NDUFAF6: variants seen among roughly 807,000 people sequenced by gnomAD.
NDUFAF6 encodes NADH:ubiquinone oxidoreductase complex assembly factor 6.
NDUFAF6 carries 45 observed loss-of-function variants against 40.8 expected under a neutral mutation model. The observed-to-expected ratio is 1.10, with a 90% CI of 0.87 to 1.42. The LOEUF is 1.42. NDUFAF6 is among the 40% of genes most tolerant of loss of function. NDUFAF6 has a pLI of 0.00. For missense variants in NDUFAF6, 435 were observed against 418.5 expected, an observed-to-expected ratio of 1.04 and a Z score of -0.34; for synonymous variants, 185 against 155.9, an observed-to-expected ratio of 1.19 and a Z score of -1.39.
chr8:94,995,638 A>T (rs1826394001), intron 2 of NDUFAF6, among the ~76,000 whole-genome samples: 1 of 152,146 alleles, frequency 6.6e-6, no homozygotes, highest in Non-Finnish European at 1.5e-5. Context: ...AGCACTGAGA[A>T]ATCGCTTCAT....
chr8:94,930,819 T>C, intron 1 of NDUFAF6: 1 of 1,385,846 alleles, frequency 7.2e-7, no homozygotes, highest in African/African-American at 1.4e-5. Context: ...TTTGCCACGC[T>C]AATTTGTTTA....
chr8:94,998,246 G>A (rs1445621269), intron 2 of NDUFAF6, among the ~76,000 whole-genome samples: 1 of 152,104 alleles, frequency 6.6e-6, no homozygotes, highest in African/African-American at 2.4e-5. Flanking sequence ...AATGACAGAT[G>A]CCCCGTGCAC....
rs1170057769 is a variant in NDUFAF6, at chr8:94,930,329, G to C, written c.-935-15154G>C. On this transcript the variant is annotated intron_variant, in intron 1 of 14. Transcript: ENST00000396113. ...TATGTGATACACAGCATATAAATCT[G>C]ATTTTCAAGATAGTGTCTAAATACA... The C allele has an allele frequency of 3.6e-6, 4 of 1,125,676 alleles. No individual in the cohort carries two copies. In the East Asian group the frequency reaches 9.6e-5, roughly 27 times the overall value. 69.7% of individuals were successfully genotyped at this position (1,125,676 alleles called of 1,614,324 possible). A position where few individuals can be genotyped will look rare whatever the true frequency, so the allele number is the denominator to read the frequency against.
downstream of NDUFAF6, among the ~76,000 whole-genome samples, chr8:95,059,569 C>T (rs545969451): frequency 3.3e-5 from 5 of 152,252 alleles, no homozygotes; most frequent in African/African-American, 1.2e-4. Flanking sequence ...GGAAATGGGG[C>T]CGGGCGTGGT....
Position 95,052,113 on chromosome 8 carries a change from T to C in NDUFAF6, c.817-61T>C. ...TATTGTTAAACTGCTGGTGTTGCTT[T>C]CAGAGGGAGAGTGTTTATTTGCTTA... On this transcript the variant is annotated intron_variant, in intron 7 of 8. Transcript: ENST00000396124. The C allele has an allele frequency of 4.0e-6, 6 of 1,515,990 alleles. No homozygotes were observed. In the South Asian group the frequency reaches 6.7e-5, roughly 17 times the overall value. The allele number at this position is 1,515,990 out of a possible 1,614,324, so 93.9% of individuals were successfully genotyped here. A position where few individuals can be genotyped will look rare whatever the true frequency, so the allele number is the denominator to read the frequency against.
chr8:95,010,123 C>G (rs536953476), intron 2 of NDUFAF6, among the ~76,000 whole-genome samples: 1 of 152,212 alleles, frequency 6.6e-6, no homozygotes, highest in African/African-American at 2.4e-5. Context: ...GAGTTTCACT[C>G]TGTCACTGGG....
At chr8:94,998,560 G>A (rs566143131) in intron 2 of NDUFAF6, among the ~76,000 whole-genome samples, 1 of 152,284 alleles carries the variant, frequency 6.6e-6, no homozygotes, top group Non-Finnish European at 1.5e-5. Flanking sequence ...TAGCAGTCAT[G>A]TATTGAGTGC....
intron 1 of NDUFAF6, chr8:94,930,480 T>C: frequency 2.5e-6 from 4 of 1,613,842 alleles, no homozygotes; most frequent in Non-Finnish European, 3.4e-6. Flanking sequence ...TTGAAACTAT[T>C]AGTAATTGTA....
upstream of NDUFAF6, chr8:95,024,916 A>C: frequency 3.6e-6 from 4 of 1,121,958 alleles, no homozygotes; most frequent in Non-Finnish European, 3.4e-6. Context: ...CCTTCCCGCG[A>C]CTCAAAGGAG....
intron 2 of NDUFAF6, among the ~76,000 whole-genome samples, chr8:94,990,859 G>A (rs961175584): frequency 3.9e-5 from 6 of 152,210 alleles, no homozygotes; most frequent in Non-Finnish European, 7.3e-5. Flanking sequence ...AAGCTTCCTC[G>A]CAGATAGATG....
At chr8:94,927,431 G>A (rs1044565505) in intron 1 of NDUFAF6, 1 of 152,158 alleles carries the variant, frequency 6.6e-6, no homozygotes, top group Non-Finnish European at 1.5e-5. Flanking sequence ...TGATACAACA[G>A]AGAAGGTATG....
intron 1 of NDUFAF6, chr8:94,930,127 TAAAATG>T (rs940229901): frequency 4.6e-6 from 1 of 215,866 alleles, no homozygotes; most frequent in Non-Finnish European, 9.3e-6. Flanking sequence ...TAATACAAAA[TAAAATG>T]AAAATGAAAG....
intron 8 of NDUFAF6, among the ~76,000 whole-genome samples, chr8:95,052,963 TC>T (rs1430939108): frequency 6.6e-6 from 1 of 152,130 alleles, no homozygotes; most frequent in Non-Finnish European, 1.5e-5. Context: ...TTCCTAGTCT[TC>T]CTAGCAAAAA....
chr8:94,943,517 T>G (rs11784717), intron 1 of NDUFAF6, among the ~76,000 whole-genome samples: 1 of 151,912 alleles, frequency 6.6e-6, no homozygotes. Context: ...TATGAGATCA[T>G]CCAGGGCTGA....
At chr8:95,012,115 A>G (rs1827249556) in intron 2 of NDUFAF6, among the ~76,000 whole-genome samples, 1 of 152,234 alleles carries the variant, frequency 6.6e-6, no homozygotes, top group Admixed American at 6.5e-5. Context: ...AAAATCATCA[A>G]TCTTTTCAAC....
chr8:95,047,336 T>C (rs1830890668), intron 6 of NDUFAF6, among the ~76,000 whole-genome samples: 2 of 152,114 alleles, frequency 1.3e-5, no homozygotes, highest in Admixed American at 6.5e-5. Flanking sequence ...GAGCAATGAG[T>C]AGGAAGGTCT....
rs1826336152 is a variant in NDUFAF6, at chr8:94,994,546, AAAG to A, written c.-84+13578_-84+13580del. ...CTCCATCTCAAAGGAAAAAAAAAAAAAAGAAGATGGACTTCGGTGGCTCATGCC... is the reference window on the plus strand; with the variant it reads ...CTCCATCTCAAAGGAAAAAAAAAAAAAAGATGGACTTCGGTGGCTCATGCC... On this transcript the variant is annotated intron_variant, in intron 2 of 9. Transcript: ENST00000396111. Among the ~76,000 whole-genome samples, 12 of 152,006 alleles carry A rather than the reference AAAG, an allele frequency of 7.9e-5. No homozygotes were observed. In the South Asian group the frequency reaches 2.3e-3, roughly 29 times the overall value.
chr8:94,995,594 G>GA lies in NDUFAF6; in HGVS notation c.-84+14632dup, dbSNP rs111803578. On this transcript the variant is annotated intron_variant, in intron 2 of 9. Coordinates refer to the NDUFAF6 transcript ENST00000396111. ...CATCTTTAAAAATAAAATAAAACTT[G>GA]AAAAAAAAAAAGAATGGCCGACTTT... Among the ~76,000 whole-genome samples, 239 of 141,898 alleles carry GA rather than the reference G, an allele frequency of 1.7e-3. 2 individuals carry two copies. In the South Asian group the frequency reaches 0.021, roughly 12 times the overall value. 93.1% of individuals were successfully genotyped at this position (141,898 alleles called of 152,430 possible). A position where few individuals can be genotyped will look rare whatever the true frequency, so the allele number is the denominator to read the frequency against.
intron 9 of NDUFAF6, chr8:95,075,544 C>A: frequency 8.9e-7 from 1 of 1,123,108 alleles, no homozygotes; most frequent in Non-Finnish European, 1.2e-6. Flanking sequence ...CTCCCCAGGC[C>A]AACCATAAGC....
Sources: gnomAD v4.1 joint callset for allele counts (sites outside exome capture counted in the v4.1 genomes callset) on GRCh38, gnomAD v4.1.1 for gene constraint, MANE v1.5 for transcripts, NCBI Gene and HGNC (gene_info 2026-07-23, HGNC 2026-07-21) for gene names.